Variants in NOMO1 observed in about 807,000 individuals in gnomAD.
NOMO1 encodes the protein NODAL modulator 1.
In NOMO1, 40 loss-of-function variants were observed where a neutral mutation model predicts 133.8. The ratio of observed to expected loss-of-function variants is 0.30; its 90% confidence interval spans 0.23 to 0.39. The LOEUF (loss-of-function observed/expected upper bound fraction) is 0.39. Ranked by LOEUF, NOMO1 falls within the 10% of genes least tolerant of loss-of-function variation. The pLI is 1.00. For missense variants in NOMO1, 462 were observed against 1,419.9 expected (o/e 0.33, Z 10.84); for synonymous variants, 236 against 570.5 (o/e 0.41, Z 8.36).
intron 24 of NOMO1, among the ~76,000 whole-genome samples, chr16:14,880,801 T>C (rs1471968267): frequency 6.6e-6 from 1 of 151,568 alleles, no homozygotes; most frequent in Non-Finnish European, 1.5e-5. Context: ...CCCCTCTGTC[T>C]CGTCTCCTAG....
At chr16:14,877,596 T>G (rs1204087951) in intron 22 of NOMO1, among the ~76,000 whole-genome samples, 2 of 151,840 alleles carry the variant, frequency 1.3e-5, no homozygotes, top group Non-Finnish European at 2.9e-5. Flanking sequence ...AGAAAAAAAA[T>G]GAACAAAGAT....
intron 11 of NOMO1, among the ~76,000 whole-genome samples, chr16:14,860,576 C>G (rs982925320): frequency 2.2e-4 from 33 of 151,756 alleles, no homozygotes; most frequent in East Asian, 3.9e-4. Flanking sequence ...GGCGAGGGAG[C>G]GAGGAGTAGA....
chr16:14,882,543 C>T lies in NOMO1; in HGVS notation c.3028-51C>T, dbSNP rs373841210. On this transcript the variant is annotated intron_variant, in intron 25 of 30. Coordinates refer to ENST00000287667, the MANE Select transcript of NOMO1 (RefSeq NM_014287.4). ...AGCCAAACCAGGCTTGGACCAGGCA[C>T]GATACGACAAGCCCCCTTTCTAGAG... 42 of 1,611,126 alleles carry T rather than the reference C, an allele frequency of 2.6e-5. 1 individual carries two copies. The highest frequency in any genetic ancestry group is 6.7e-5 in the East Asian group (3 of 44,826).
At chr16:14,882,909 C>T (rs551388410) in intron 26 of NOMO1, among the ~76,000 whole-genome samples, 1 of 152,178 alleles carries the variant, frequency 6.6e-6, no homozygotes, top group Admixed American at 6.5e-5. Context: ...GTATCCTCCC[C>T]GCGACTTGCC....
chr16:14,881,413 G>C, intron 24 of NOMO1, 131 bp from the exon 25 acceptor site: 1 of 1,602,924 alleles, frequency 6.2e-7, no homozygotes, highest in Non-Finnish European at 8.5e-7. Flanking sequence ...GCCACACTGA[G>C]TTGCCTGGGT....
At chr16:14,859,105 A>G (rs1210743741) in intron 11 of NOMO1, among the ~76,000 whole-genome samples, 3 of 152,024 alleles carry the variant, frequency 2.0e-5, no homozygotes, top group Non-Finnish European at 2.9e-5. Context: ...TAGAATTAGA[A>G]GAACAGTAGG....
At chr16:14,843,715 T>TTGTGTGTG (rs59391735) in intron 3 of NOMO1, among the ~76,000 whole-genome samples, 23 of 125,994 alleles carry the variant, frequency 1.8e-4, no homozygotes, top group East Asian at 9.5e-4. Flanking sequence ...ATTGGAGTCT[T>TTGTGTGTG]TGTGTGTGTG....
At chr16:14,878,438 G>A (rs1350792534) in intron 22 of NOMO1, among the ~76,000 whole-genome samples, 2 of 115,956 alleles carry the variant, frequency 1.7e-5, no homozygotes, top group African/African-American at 6.8e-5. Context: ...AGGTTGTAGT[G>A]AGCCCAGGTT....
intron 15 of NOMO1, 53 bp from the exon 16 acceptor site, chr16:14,868,495 T>C: frequency 6.8e-7 from 1 of 1,474,834 alleles, no homozygotes; most frequent in South Asian, 1.1e-5. Flanking sequence ...TTATTAATCA[T>C]CTTGGTGTCT....
At chr16:14,839,468 G>A (rs1258899827) in intron 2 of NOMO1, among the ~76,000 whole-genome samples, 1 of 151,974 alleles carries the variant, frequency 6.6e-6, no homozygotes, top group Non-Finnish European at 1.5e-5. Flanking sequence ...AAGCACACAT[G>A]CACATCGATA....
Position 14,833,806 on chromosome 16 carries a change from C to A in NOMO1, c.-46C>A. On this transcript the variant is annotated 5_prime_UTR_variant, in exon 1 of 31. Transcript: ENST00000287667. Reference sequence around the variant, plus strand: ...AGCCTGCGGCGTGCAGTGTGAGGGGCGGGACCCGGCTGCCGGCGGTGGGTC... The same window carrying A: ...AGCCTGCGGCGTGCAGTGTGAGGGGAGGGACCCGGCTGCCGGCGGTGGGTC... 2 of 425,234 alleles carry A rather than the reference C, an allele frequency of 4.7e-6. No individual in the cohort carries two copies. Among genetic ancestry groups the A allele is most frequent in the South Asian group, 1.1e-4 (2 of 17,960 alleles). The allele number at this position is 425,234 out of a possible 1,614,324, so 26.3% of individuals were successfully genotyped here. A position where few individuals can be genotyped will look rare whatever the true frequency, so the allele number is the denominator to read the frequency against.
chr16:14,835,196 C>T (rs894163409), intron 1 of NOMO1, among the ~76,000 whole-genome samples: 1 of 146,278 alleles, frequency 6.8e-6, no homozygotes, highest in Non-Finnish European at 1.5e-5. Context: ...TGGAACCCAG[C>T]AGATACATTT....
At position 14,833,780 on chromosome 16, in the gene NOMO1, G is replaced by A. The variant is rs1463399233; in HGVS notation, c.-72G>A. 1 of 440,386 alleles carries A rather than the reference G, an allele frequency of 2.3e-6. No individual in the cohort carries two copies. The allele number at this position is 440,386 out of a possible 1,614,324, so 27.3% of individuals were successfully genotyped here. On this transcript the variant is annotated 5_prime_UTR_variant, in exon 1 of 31. Coordinates refer to ENST00000287667, the MANE Select transcript of NOMO1 (RefSeq NM_014287.4). ...TGTCAGCCGGCCTAGGAGGAGGAAG[G>A]AGCCTGCGGCGTGCAGTGTGAGGGG... is the stretch of plus-strand genomic sequence containing the variant.
chr16:14,860,577 G>A (rs377116758), intron 11 of NOMO1, among the ~76,000 whole-genome samples: 1 of 151,880 alleles, frequency 6.6e-6, no homozygotes, highest in African/African-American at 2.4e-5. Flanking sequence ...GCGAGGGAGC[G>A]AGGAGTAGAT....
chr16:14,856,664 G>A (rs566983862), intron 9 of NOMO1, among the ~76,000 whole-genome samples: 4 of 151,942 alleles, frequency 2.6e-5, no homozygotes, highest in Non-Finnish European at 4.4e-5. Context: ...TGCCTGCCTC[G>A]GCCTCCCAAA....
At position 14,845,487 on chromosome 16, in the gene NOMO1, C is replaced by G. The variant is rs572690341; in HGVS notation, c.402+713C>G. Among the ~76,000 whole-genome samples the G allele has an allele frequency of 5.8e-4, 89 of 152,154 alleles. 2 individuals are homozygous for G. Among genetic ancestry groups the G allele is most frequent in the South Asian group, 2.5e-3 (12 of 4,812 alleles). On this transcript the variant is annotated intron_variant, in intron 4 of 30. Coordinates refer to ENST00000287667, the MANE Select transcript of NOMO1 (RefSeq NM_014287.4). ...GCATGCATCTGCTTCTGACACTTAC[C>G]TAGGAGGATTCCTATTATTTAAGTT... is the stretch of plus-strand genomic sequence containing the variant.
At chr16:14,845,430 G>A (rs1356011865) in intron 4 of NOMO1, among the ~76,000 whole-genome samples, 1 of 151,968 alleles carries the variant, frequency 6.6e-6, no homozygotes, top group Non-Finnish European at 1.5e-5. Context: ...CTGTCCCTGT[G>A]GGTGAATTGA....
At chr16:14,875,641 G>GATGA (rs1288067896) in intron 20 of NOMO1, among the ~76,000 whole-genome samples, 334 of 149,228 alleles carry the variant, frequency 2.2e-3, no homozygotes, top group South Asian at 9.5e-3. Context: ...TGGATGGATG[G>GATGA]ATGAATGAAT....
chr16:14,888,548 G>C (rs1399355918), intron 28 of NOMO1: 1 of 172,462 alleles, frequency 5.8e-6, no homozygotes, highest in Non-Finnish European at 1.3e-5. Flanking sequence ...CAGCTGGTCG[G>C]TGCTCAGCAC....
Sources: allele counts gnomAD v4.1 joint callset (sites outside exome capture counted in the v4.1 genomes callset), GRCh38; gene constraint gnomAD v4.1.1; transcripts MANE v1.5; gene names NCBI Gene and HGNC (gene_info 2026-07-23, HGNC 2026-07-21).